Variants in GRIA4 observed in about 807,000 individuals in gnomAD.
GRIA4 encodes the protein glutamate receptor 4.
GRIA4 carries 34 observed loss-of-function variants against 104.0 expected under a neutral mutation model. The observed-to-expected ratio is 0.33, with a 90% CI of 0.25 to 0.44. The LOEUF (loss-of-function observed/expected upper bound fraction) is 0.44. Among genes scored for constraint, GRIA4 ranks in the 20% least tolerant of loss-of-function variants. The probability of loss-of-function intolerance (pLI) is 1.00; values close to 1 mark genes in which losing one functional copy is unlikely to be tolerated. For synonymous variants in GRIA4, 386 were observed against 381.9 expected (o/e 1.01, Z -0.13); for missense variants, 750 against 1,096.5 (o/e 0.68, Z 4.46).
intron 3 of GRIA4, among the ~76,000 whole-genome samples, chr11:105,694,944 C>G (rs1953216672): frequency 6.6e-6 from 1 of 152,146 alleles, no homozygotes; most frequent in South Asian, 2.1e-4. Context: ...TGACTGAGCA[C>G]TTAATTGGTC....
chr11:105,772,241 C>T (rs185610399), intron 4 of GRIA4, among the ~76,000 whole-genome samples: 4 of 152,104 alleles, frequency 2.6e-5, no homozygotes, highest in African/African-American at 7.2e-5. Flanking sequence ...CCCTGAATAA[C>T]GCCAACGTAC....
At chr11:105,801,969 C>G (rs539949851) in intron 4 of GRIA4, among the ~76,000 whole-genome samples, 1 of 152,182 alleles carries the variant, frequency 6.6e-6, no homozygotes, top group South Asian at 2.1e-4. Flanking sequence ...AGGCCAGCAT[C>G]TGGGATGCCA....
intron 4 of GRIA4, among the ~76,000 whole-genome samples, chr11:105,834,106 C>CT (rs1944086200): frequency 6.6e-6 from 1 of 151,956 alleles, no homozygotes; most frequent in Admixed American, 6.6e-5. Flanking sequence ...CCAGGGACAT[C>CT]TAAGAATAAG....
chr11:105,850,630 T>C (rs1270173616), intron 4 of GRIA4, among the ~76,000 whole-genome samples: 1 of 152,166 alleles, frequency 6.6e-6, no homozygotes, highest in Admixed American at 6.6e-5. Context: ...TCACAGGGTA[T>C]TCTGAAGAAA....
At chr11:105,675,841 A>G (rs1158412161) in intron 3 of GRIA4, among the ~76,000 whole-genome samples, 3 of 151,998 alleles carry the variant, frequency 2.0e-5, no homozygotes, top group Non-Finnish European at 2.9e-5. Context: ...TGATATTTAT[A>G]CTACTTCAGT....
At chr11:105,655,096 C>A (rs868831711) in intron 3 of GRIA4, among the ~76,000 whole-genome samples, 11 of 152,140 alleles carry the variant, frequency 7.2e-5, no homozygotes, top group African/African-American at 2.4e-4. Flanking sequence ...TAACATAATT[C>A]TCCAGGTAAT....
chr11:105,885,198 A>G (rs1946211406), intron 5 of GRIA4, among the ~76,000 whole-genome samples: 1 of 152,202 alleles, frequency 6.6e-6, no homozygotes, highest in African/African-American at 2.4e-5. Context: ...CTTTTGCACA[A>G]GCTAGACTGG....
Position 105,924,404 on chromosome 11 carries a change from A to T in GRIA4, c.1482A>T (p.Ala494=), listed in dbSNP as rs1947651578. The T allele has an allele frequency of 6.3e-7, 1 of 1,587,528 alleles. No individual in the cohort carries two copies. Among genetic ancestry groups the T allele is most frequent in the African/African-American group, 1.4e-5 (1 of 73,852 alleles). ...ATGTGTTTTTTCTCTTATAGAAAGC[A>T]GAGATTGCTATTGCCCCTCTGACAA... The part of the protein sequence containing the change: ...GMVGELVYGK[A]EIAIAPLTIT... The change falls in exon 12 of 17, where the codon GCA becomes GCT. Residue 494 remains alanine, a synonymous_variant. Coordinates refer to ENST00000282499, the MANE Select transcript of GRIA4 (RefSeq NM_000829.4).
chr11:105,772,607 C>T (rs1486602322), intron 4 of GRIA4, among the ~76,000 whole-genome samples: 1 of 151,800 alleles, frequency 6.6e-6, no homozygotes, highest in Non-Finnish European at 1.5e-5. Flanking sequence ...GGGGTGGGTG[C>T]CCCAACCGTC....
chr11:105,938,410 C>T (rs898869590), intron 14 of GRIA4, among the ~76,000 whole-genome samples: 11 of 152,030 alleles, frequency 7.2e-5, no homozygotes, highest in African/African-American at 2.4e-4. Flanking sequence ...AAAACGTAAA[C>T]GTACAGAAAT....
intron 4 of GRIA4, among the ~76,000 whole-genome samples, chr11:105,856,833 CAG>C (rs1945024937): frequency 6.6e-6 from 1 of 152,060 alleles, no homozygotes; most frequent in African/African-American, 2.4e-5. Flanking sequence ...ATCTAGGACC[CAG>C]AATAACCACC....
At chr11:105,610,043 G>T (rs1950431156), upstream of GRIA4, 1 of 152,866 alleles carries the variant, frequency 6.5e-6, no homozygotes. Flanking sequence ...CTTTGCTGCA[G>T]CGAGGACCGG....
chr11:105,691,530 T>C (rs956324026), intron 3 of GRIA4, among the ~76,000 whole-genome samples: 6 of 152,156 alleles, frequency 3.9e-5, no homozygotes, highest in Non-Finnish European at 8.8e-5. Context: ...TATGCCTCAG[T>C]TTCCCCATCT....
intron 14 of GRIA4, among the ~76,000 whole-genome samples, chr11:105,957,161 G>T (rs1948610980): frequency 6.6e-6 from 1 of 152,166 alleles, no homozygotes; most frequent in Non-Finnish European, 1.5e-5. Context: ...TGCTTTTGGT[G>T]TTTTAGTCAC....
intron 4 of GRIA4, among the ~76,000 whole-genome samples, chr11:105,838,714 TG>T (rs1395609650): frequency 6.6e-6 from 1 of 152,128 alleles, no homozygotes; most frequent in Admixed American, 6.6e-5. Flanking sequence ...CCAACAAAAT[TG>T]GTTAGATTGG....
chr11:105,837,489 T>A (rs1004976526), intron 4 of GRIA4, among the ~76,000 whole-genome samples: 1 of 152,104 alleles, frequency 6.6e-6, no homozygotes, highest in Non-Finnish European at 1.5e-5. Context: ...ATTTAAGTGT[T>A]CCATGGTGCT....
In GRIA4 at chr11:105,924,719, C is replaced by G; in HGVS notation, c.1797C>G (p.Leu599=). ...ATGAGTTTGGCATCTTTAACAGCCT[C>G]TGGTTTTCCCTGGGTGCTTTTATGC... ...PPNEFGIFNS[L]WFSLGAFMQQ... Residue 599 remains leucine, a synonymous_variant, in exon 12 of 17, where the codon CTC becomes CTG. Coordinates refer to ENST00000282499, the MANE Select transcript of GRIA4 (RefSeq NM_000829.4). 6.2e-7 allele frequency: 1 copy of G among 1,612,092 alleles called. No individual in the cohort carries two copies. Among genetic ancestry groups the G allele is most frequent in the Middle Eastern group, 1.7e-4 (1 of 6,042 alleles).
intron 5 of GRIA4, among the ~76,000 whole-genome samples, chr11:105,882,769 T>C (rs1565313043): frequency 6.6e-6 from 1 of 152,176 alleles, no homozygotes; most frequent in Non-Finnish European, 1.5e-5. Context: ...CTTAAATCTC[T>C]TAGCCTTAAT....
chr11:105,907,353 C>A (rs1369550658), intron 9 of GRIA4, among the ~76,000 whole-genome samples: 1 of 152,144 alleles, frequency 6.6e-6, no homozygotes, highest in East Asian at 1.9e-4. Context: ...TCAACTCGGG[C>A]ATTGTGTCAG....
Sources: gnomAD v4.1 joint callset for allele counts (sites outside exome capture counted in the v4.1 genomes callset) on GRCh38, gnomAD v4.1.1 for gene constraint, MANE v1.5 for transcripts, NCBI Gene and HGNC (gene_info 2026-07-23, HGNC 2026-07-21) for gene names.